The following SPTLC2 variants were observed in gnomAD, a reference collection of about 807,000 sequenced individuals.
SPTLC2 encodes the protein serine palmitoyltransferase long chain base subunit 2.
SPTLC2 carries 21 observed loss-of-function variants against 62.0 expected under a neutral mutation model. The ratio of observed to expected loss-of-function variants is 0.34; its 90% CI spans 0.24 to 0.49. SPTLC2 has a LOEUF of 0.49. SPTLC2 is among the 20% of genes least tolerant of loss of function. The probability of loss-of-function intolerance (pLI) is 0.99; values close to 1 mark genes in which losing one functional copy is unlikely to be tolerated. For synonymous variants in SPTLC2, 261 were observed against 261.8 expected (o/e 1.00, Z 0.03); for missense variants, 511 against 713.0 (o/e 0.72, Z 3.23).
At chr14:77,616,204 T>C (rs1474495402) in intron 1 of SPTLC2, among the ~76,000 whole-genome samples, 1 of 152,172 alleles carries the variant, frequency 6.6e-6, no homozygotes, top group Non-Finnish European at 1.5e-5. Flanking sequence ...CCCGGAGCTC[T>C]GAGCAGAACC....
At chr14:77,541,680 CTT>C (rs1236316473) in intron 9 of SPTLC2, among the ~76,000 whole-genome samples, 1 of 152,188 alleles carries the variant, frequency 6.6e-6, no homozygotes, top group Non-Finnish European at 1.5e-5. Flanking sequence ...GCAGATAACA[CTT>C]TAAACTCTTG....
intron 9 of SPTLC2, among the ~76,000 whole-genome samples, chr14:77,548,061 T>A (rs1417089864): frequency 6.6e-6 from 1 of 152,040 alleles, no homozygotes. Flanking sequence ...TTCTCCTACA[T>A]CAGTAGCTGC....
At chr14:77,566,551 C>T (rs1248673645) in intron 5 of SPTLC2, among the ~76,000 whole-genome samples, 1 of 152,128 alleles carries the variant, frequency 6.6e-6, no homozygotes, top group Non-Finnish European at 1.5e-5. Flanking sequence ...CTGCAAGCTC[C>T]GCCTCCCGGG....
chr14:77,522,369 G>A (rs2079388889), intron 9 of SPTLC2, among the ~76,000 whole-genome samples: 1 of 152,058 alleles, frequency 6.6e-6, no homozygotes, highest in African/African-American at 2.4e-5. Flanking sequence ...CGCCATGTTG[G>A]CCAGGCTGGT....
intron 6 of SPTLC2, among the ~76,000 whole-genome samples, chr14:77,560,894 C>A (rs1023098683): frequency 2.8e-4 from 8 of 28,522 alleles, no homozygotes; most frequent in Non-Finnish European, 6.6e-4. Context: ...GGGTAAGGTT[C>A]GAAAAACTAC....
At chr14:77,574,181 C>T (rs1024776917) in intron 4 of SPTLC2, among the ~76,000 whole-genome samples, 2 of 152,146 alleles carry the variant, frequency 1.3e-5, no homozygotes, top group African/African-American at 4.8e-5. Flanking sequence ...GAAACTAATA[C>T]AACTGGAAAA....
chr14:77,601,390 G>T (rs370612569), intron 1 of SPTLC2, among the ~76,000 whole-genome samples: 13 of 151,930 alleles, frequency 8.6e-5, no homozygotes, highest in Non-Finnish European at 1.6e-4. Flanking sequence ...AGATCCACCC[G>T]CTGCCTGCAA....
chr14:77,562,510 A>G (rs2079620533), intron 5 of SPTLC2, 21 bp from the exon 6 acceptor site: 1 of 1,603,630 alleles, frequency 6.2e-7, no homozygotes, highest in Non-Finnish European at 8.5e-7. Context: ...ACAGGAACAG[A>G]AAGGTAAGAA....
At chr14:77,611,807 C>A (rs2079939670) in intron 1 of SPTLC2, among the ~76,000 whole-genome samples, 1 of 147,952 alleles carries the variant, frequency 6.8e-6, no homozygotes, top group Non-Finnish European at 1.5e-5. Context: ...GCCTGGGCGA[C>A]AGAGTGAGAC....
Position 77,527,748 on chromosome 14 carries a change from G to T in SPTLC2, c.1304-6167C>A, listed in dbSNP as rs201785745. Among the ~76,000 whole-genome samples the T allele has an allele frequency of 3.6e-4, 54 of 151,246 alleles. No homozygotes were observed. The East Asian group carries it at 6.8e-3, about 19-fold the overall frequency. ...AACGCTCAAGACTGCTTTTTTTTTT[G>T]TTTTTTTGAAAGCCAGGAAAAGATC... On this transcript the variant is annotated intron_variant, in intron 9 of 11. Coordinates refer to ENST00000216484, the MANE Select transcript of SPTLC2 (RefSeq NM_004863.4).
intron 3 of SPTLC2, among the ~76,000 whole-genome samples, chr14:77,578,048 G>A (rs989435250): frequency 2.0e-5 from 3 of 152,308 alleles, no homozygotes; most frequent in African/African-American, 7.2e-5. Context: ...GAGAGGCTAA[G>A]GTGGGAGAAT....
At chr14:77,572,283 A>G (rs1218866041) in intron 4 of SPTLC2, among the ~76,000 whole-genome samples, 3 of 152,216 alleles carry the variant, frequency 2.0e-5, no homozygotes, top group East Asian at 3.8e-4. Context: ...AAATCATCAC[A>G]AAACAACTGG....
intron 5 of SPTLC2, among the ~76,000 whole-genome samples, chr14:77,567,040 G>A (rs1378780545): frequency 6.6e-6 from 1 of 151,658 alleles, no homozygotes; most frequent in Non-Finnish European, 1.5e-5. Context: ...GCCCGATCTC[G>A]GCTCACTGCC....
chr14:77,515,672 C>A (rs1027210699), intron 11 of SPTLC2, among the ~76,000 whole-genome samples: 1 of 151,360 alleles, frequency 6.6e-6, no homozygotes, highest in Admixed American at 6.6e-5. Context: ...GCCTCAGTCT[C>A]CCGAGTAGCT....
chr14:77,529,620 C>CTTTTTTTTTTTTTT (rs71452856), intron 9 of SPTLC2, among the ~76,000 whole-genome samples: 1 of 76,056 alleles, frequency 1.3e-5, no homozygotes, highest in African/African-American at 4.1e-5. Flanking sequence ...TTCTTTCTTT[C>CTTTTTTTTTTTTTT]TTTTTTTTTT....
intron 6 of SPTLC2, among the ~76,000 whole-genome samples, chr14:77,559,280 G>A (rs551038457): frequency 1.4e-4 from 22 of 152,222 alleles, no homozygotes; most frequent in Non-Finnish European, 2.5e-4. Context: ...CCAAGATCAC[G>A]CCACTGCCCT....
intron 9 of SPTLC2, among the ~76,000 whole-genome samples, chr14:77,526,221 T>C (rs538658048): frequency 6.6e-6 from 1 of 152,340 alleles, no homozygotes. Flanking sequence ...AGTTAATATT[T>C]ATGCAAGAAG....
At chr14:77,528,316 C>A (rs961506364) in intron 9 of SPTLC2, among the ~76,000 whole-genome samples, 2 of 152,094 alleles carry the variant, frequency 1.3e-5, no homozygotes, top group Non-Finnish European at 2.9e-5. Context: ...ATAGCAACCT[C>A]CGCCTCCCGG....
At chr14:77,530,812 T>C (rs2079434457) in intron 9 of SPTLC2, among the ~76,000 whole-genome samples, 1 of 152,222 alleles carries the variant, frequency 6.6e-6, no homozygotes, top group Non-Finnish European at 1.5e-5. Flanking sequence ...CTCAATGATG[T>C]ATTCTAGCTC....
Sources: gnomAD v4.1 joint callset for allele counts (sites outside exome capture counted in the v4.1 genomes callset) on GRCh38, gnomAD v4.1.1 for gene constraint, MANE v1.5 for transcripts, NCBI Gene and HGNC (gene_info 2026-07-23, HGNC 2026-07-21) for gene names.